The following CXCL12 variants were observed in gnomAD, a reference collection of about 807,000 sequenced individuals.
CXCL12 encodes the protein stromal cell-derived factor 1.
In CXCL12, 4 loss-of-function variants were observed where a neutral mutation model predicts 10.7. That is an observed-to-expected ratio of 0.37 (90% CI 0.18 to 0.86). The LOEUF (loss-of-function observed/expected upper bound fraction) is 0.86, where lower values mean the gene tolerates loss of function less well. CXCL12 is among the 40% of genes least tolerant of loss of function. The pLI is 0.43. For synonymous variants in CXCL12, 54 were observed against 45.4 expected (o/e 1.19, Z -0.77); for missense variants, 122 against 110.4 (o/e 1.10, Z -0.47).
rs755614503 is a variant in CXCL12 at position 44,378,224 on chromosome 10, A to G, written c.*409T>C. 2.7e-6 allele frequency: 4 copies of G among 1,454,718 alleles called. No individual in the cohort carries two copies. In the East Asian group the frequency reaches 1.2e-4, roughly 43 times the overall value. 90.1% of individuals were successfully genotyped at this position (1,454,718 alleles called of 1,614,324 possible). A position where few individuals can be genotyped will look rare whatever the true frequency, so the allele number is the denominator to read the frequency against. ...CTGTGCCCAGACTCCCCAGGGGAGC[A>G]GAGGAGATGCTCCAAACAAGCCAAA... On this transcript the variant is annotated 3_prime_UTR_variant, in exon 3 of 3. Coordinates refer to ENST00000343575, the MANE Select transcript of CXCL12 (RefSeq NM_199168.4).
chr10:44,384,875 C>A (rs1204250244), intron 1 of CXCL12, 70 bp downstream of exon 1: 4 of 1,455,288 alleles, frequency 2.7e-6, no homozygotes, highest in Non-Finnish European at 3.7e-6. Context: ...GGCAGAGGAG[C>A]CGCGGCTCTG....
In CXCL12 at chr10:44,378,711, C is replaced by G; in HGVS notation, c.192G>C (p.Lys64Asn). 1 of 1,614,204 alleles carries G rather than the reference C, an allele frequency of 6.2e-7. No individual in the cohort carries two copies. Among genetic ancestry groups the G allele is most frequent in the Non-Finnish European group, 8.5e-7 (1 of 1,180,038 alleles). Residue 64 changes from lysine to asparagine, a missense_variant, in exon 3 of 3, where the codon AAG (lysine) becomes AAC (asparagine). Coordinates refer to ENST00000343575, the MANE Select transcript of CXCL12 (RefSeq NM_199168.4). ...CAATGCACACTTGTCTGTTGTTGTT[C>G]TTCAGCCGGGCTCTGTGAAAACAGA... Reference protein sequence around the residue: ...NCALQIVARLKNNNRQVCIDP... With the variant: ...NCALQIVARLNNNNRQVCIDP...
Position 44,378,504 on chromosome 10 carries a change from C to T in CXCL12, c.*129G>A, listed in dbSNP as rs560257716. 5.8e-6 allele frequency: 9 copies of T among 1,547,562 alleles called. No homozygotes were observed. The East Asian group carries it at 2.1e-4, about 36-fold the overall frequency. On this transcript the variant is annotated 3_prime_UTR_variant, in exon 3 of 3. Coordinates refer to ENST00000343575, the MANE Select transcript of CXCL12 (RefSeq NM_199168.4). ...TCAGGCCCGATCCCAGATCAATGTG[C>T]CCACCCCACACACACACCTGGTCCT...
At chr10:44,376,979 T>A, downstream of CXCL12, 1 of 381,794 alleles carries the variant, frequency 2.6e-6, no homozygotes, top group Non-Finnish European at 3.6e-6. Context: ...GAAAAGCCCA[T>A]ACACTGTCAC....
At position 44,383,617 on chromosome 10, in the gene CXCL12, G is replaced by C. The variant is rs1006392109; in HGVS notation, c.61+1328C>G. ...ACATGCCCCATGACTTGCGGGGGGG[G>C]GGGGGGGTCAGTGTGCAGACACAGC... is the stretch of plus-strand genomic sequence containing the variant. On this transcript the variant is annotated intron_variant, in intron 1 of 2. Transcript: ENST00000343575. 5.9e-4 allele frequency among the ~76,000 whole-genome samples: 80 copies of C among 135,660 alleles called. 3 individuals carry two copies. In the East Asian group the frequency reaches 0.017, roughly 29 times the overall value. The allele number at this position is 135,660 out of a possible 152,430, so 89.0% of individuals were successfully genotyped here.
At chr10:44,375,886 T>A, downstream of CXCL12, 1 of 1,605,674 alleles carries the variant, frequency 6.2e-7, no homozygotes, top group Non-Finnish European at 8.5e-7. Flanking sequence ...TCGAGCAAAT[T>A]TACAAAGCGC....
downstream of CXCL12, among the ~76,000 whole-genome samples, chr10:44,375,484 T>TGCTGG (rs17882849): frequency 0.83 from 126,679 of 151,988 alleles, 53,108 homozygotes; most frequent in Admixed American, 0.91. Context: ...AGGCCACCTC[T>TGCTGG]GCTAGCAGGT....
At position 44,377,706 on chromosome 10, in the gene CXCL12, G is replaced by T; in HGVS notation, c.*927C>A. On this transcript the variant is annotated 3_prime_UTR_variant, in exon 3 of 3. Coordinates refer to ENST00000343575, the MANE Select transcript of CXCL12 (RefSeq NM_199168.4). The stretch of plus-strand genomic sequence containing the variant: ...AGCTCTCAGATTTAAAATTGCATTT[G>T]ATTCTGTAAAGACTTGTCTTTTGCG... 6.3e-7 allele frequency: 1 copy of T among 1,597,286 alleles called. No homozygotes were observed. The highest frequency in any genetic ancestry group is 8.5e-7 in the Non-Finnish European group (1 of 1,179,420).
Position 44,379,059 on chromosome 10 carries a change from CA to C in CXCL12, c.180-337del, listed in dbSNP as rs201546948. On this transcript the variant is annotated intron_variant, in intron 2 of 2. Coordinates refer to ENST00000343575, the MANE Select transcript of CXCL12 (RefSeq NM_199168.4). ...AAGGGAAAATCAGGAGCAAATACGC[CA>C]GGGGGGTCATCAAAGCATACAGAGG... 2.7e-3 allele frequency among the ~76,000 whole-genome samples: 407 copies of C among 152,122 alleles called. 2 individuals carry two copies. Among genetic ancestry groups the C allele is most frequent in the African/African-American group, 8.0e-3 (334 of 41,500 alleles).
rs10793537 is a variant in CXCL12, at chr10:44,381,132, C to G, written c.62-252G>C. ...GGGGAGAGCCGGAGCCTAGATGAGG[C>G]GGGAGTTTAAATTAGAAGCCACCTG... On this transcript the variant is annotated intron_variant, in intron 1 of 2. Coordinates refer to ENST00000343575, the MANE Select transcript of CXCL12 (RefSeq NM_199168.4). 0.91 allele frequency among the ~76,000 whole-genome samples: 137,866 copies of G among 152,012 alleles called. 63,102 individuals are homozygous for G. The highest frequency in any genetic ancestry group is 0.97 in the Non-Finnish European group (65,674 of 67,982).
Position 44,377,744 on chromosome 10 carries a change from G to C in CXCL12, c.*889C>G. ...CTTGTCTTTTGCGGGTAAGCAGGGGGACCATTACACATCCCCAGGAGAGGG... is the reference window on the plus strand; with the variant it reads ...CTTGTCTTTTGCGGGTAAGCAGGGGCACCATTACACATCCCCAGGAGAGGG... On this transcript the variant is annotated 3_prime_UTR_variant, in exon 3 of 3. Transcript: ENST00000343575. 1 of 1,598,370 alleles carries C rather than the reference G, an allele frequency of 6.3e-7. No homozygotes were observed. The highest frequency in any genetic ancestry group is 1.1e-5 in the South Asian group (1 of 91,038).
At chr10:44,376,037 G>C (rs755572029), downstream of CXCL12, 1 of 1,610,434 alleles carries the variant, frequency 6.2e-7, no homozygotes, top group Admixed American at 1.7e-5. Context: ...CGCCCCCTTA[G>C]ATAAAATTAG....
downstream of CXCL12, chr10:44,375,866 TGGA>T: frequency 1.2e-6 from 2 of 1,603,506 alleles, no homozygotes; most frequent in Non-Finnish European, 1.7e-6. Context: ...GGGTCTGTCC[TGGA>T]GGAGGATCGA....
At chr10:44,374,606 C>T (rs1349958035), downstream of CXCL12, 1 of 455,884 alleles carries the variant, frequency 2.2e-6, no homozygotes, top group Non-Finnish European at 4.4e-6. Flanking sequence ...CCTAGGACAC[C>T]TCCCCAACGA....
chr10:44,384,843 G>T (rs1839749113), intron 1 of CXCL12, 102 bp downstream of exon 1: 2 of 1,195,294 alleles, frequency 1.7e-6, no homozygotes, highest in Non-Finnish European at 2.3e-6. Flanking sequence ...CACTGTGTCG[G>T]GCGGCGCAAA....
At chr10:44,383,787 T>G (rs774408003) in intron 1 of CXCL12, among the ~76,000 whole-genome samples, 34 of 152,062 alleles carry the variant, frequency 2.2e-4, no homozygotes, top group Non-Finnish European at 4.4e-4. Context: ...CAGCGCACAG[T>G]CCAAGCCAGC....
At chr10:44,379,718 A>T (rs2839690) in intron 2 of CXCL12, among the ~76,000 whole-genome samples, 1 of 152,174 alleles carries the variant, frequency 6.6e-6, no homozygotes, top group Non-Finnish European at 1.5e-5. Flanking sequence ...TTTCCAGGCC[A>T]GTAAACCAGC....
At chr10:44,382,421 C>A (rs1839660262) in intron 1 of CXCL12, among the ~76,000 whole-genome samples, 2 of 152,168 alleles carry the variant, frequency 1.3e-5, no homozygotes, top group African/African-American at 4.8e-5. Context: ...TTCTTTTGGG[C>A]CCTTCCAAGC....
At chr10:44,371,954 G>A (rs897509615), downstream of CXCL12, 1 of 152,234 alleles carries the variant, frequency 6.6e-6, no homozygotes, top group African/African-American at 2.4e-5. Context: ...ATGTCAGGCA[G>A]GTTGACTTAC....
Sources: gnomAD v4.1 joint callset for allele counts (sites outside exome capture counted in the v4.1 genomes callset) on GRCh38, gnomAD v4.1.1 for gene constraint, MANE v1.5 for transcripts, NCBI Gene and HGNC (gene_info 2026-07-23, HGNC 2026-07-21) for gene names.